Variants in SPATA17 observed in about 807,000 individuals in gnomAD.
The protein encoded by SPATA17 is spermatogenesis-associated protein 17.
Under a neutral mutation model 62.2 loss-of-function variants are expected in SPATA17, and 53 were observed. The observed-to-expected ratio is 0.85, with a 90% CI of 0.68 to 1.07. The LOEUF is 1.07. Among genes scored for constraint, SPATA17 ranks in the 50% least tolerant of loss-of-function variants. SPATA17 has a pLI of 0.00. For missense variants in SPATA17, 466 were observed against 425.5 expected (o/e 1.10, Z -0.84); for synonymous variants, 146 against 146.8 (o/e 0.99, Z 0.04).
intron 5 of SPATA17, among the ~76,000 whole-genome samples, chr1:217,722,413 CT>C (rs879277906): frequency 5.3e-4 from 80 of 151,956 alleles, no homozygotes; most frequent in Admixed American, 5.2e-3. Context: ...TTTTCTGTAA[CT>C]TTTTTGATAA....
At chr1:217,767,677 T>A (rs1673333274) in intron 6 of SPATA17, among the ~76,000 whole-genome samples, 1 of 152,208 alleles carries the variant, frequency 6.6e-6, no homozygotes, top group Admixed American at 6.5e-5. Context: ...CATTCTTCAT[T>A]TCTGCTACAG....
intron 9 of SPATA17, among the ~76,000 whole-genome samples, chr1:217,804,879 C>T (rs1674396788): frequency 6.6e-6 from 1 of 152,054 alleles, no homozygotes; most frequent in Non-Finnish European, 1.5e-5. Context: ...ACCAAAAAGA[C>T]AAAAGATAAT....
intron 1 of SPATA17, among the ~76,000 whole-genome samples, chr1:217,648,459 C>A (rs1428320654): frequency 6.6e-6 from 1 of 152,208 alleles, no homozygotes; most frequent in East Asian, 1.9e-4. Context: ...TTAGAGACAA[C>A]TCATTTAACT....
intron 7 of SPATA17, among the ~76,000 whole-genome samples, chr1:217,778,833 T>C (rs961843148): frequency 6.6e-6 from 1 of 152,160 alleles, no homozygotes; most frequent in South Asian, 2.1e-4. Context: ...TAATGATGTG[T>C]CTTCTTCTAC....
chr1:217,817,985 G>C (rs1014766028), intron 9 of SPATA17, among the ~76,000 whole-genome samples: 6 of 151,826 alleles, frequency 4.0e-5, no homozygotes, highest in African/African-American at 1.5e-4. Flanking sequence ...TCAGTAAAGG[G>C]AATCTCAATT....
chr1:217,729,480 T>A (rs1261491399), intron 5 of SPATA17, among the ~76,000 whole-genome samples: 3 of 152,248 alleles, frequency 2.0e-5, no homozygotes, highest in Non-Finnish European at 4.4e-5. Flanking sequence ...TTTATGTTGA[T>A]GACAGGTTCT....
intron 9 of SPATA17, among the ~76,000 whole-genome samples, chr1:217,839,467 C>T (rs1344301556): frequency 9.9e-5 from 15 of 151,956 alleles, no homozygotes; most frequent in South Asian, 2.1e-4. Flanking sequence ...TGCTTCTGCC[C>T]GGTGCTTGGC....
intron 9 of SPATA17, chr1:217,850,593 G>A (rs1675627751): frequency 6.3e-7 from 1 of 1,596,442 alleles, no homozygotes; most frequent in Non-Finnish European, 8.6e-7. Flanking sequence ...CACTTCAAGG[G>A]TGATGGTCTT....
intron 7 of SPATA17, among the ~76,000 whole-genome samples, chr1:217,776,559 T>C (rs4240917): frequency 0.9 from 136,676 of 151,864 alleles, 61,658 homozygotes; most frequent in African/African-American, 0.92. Flanking sequence ...GTCAGCCAGG[T>C]GAGGCACAGT....
chr1:217,698,714 TTG>T (rs139955351), intron 5 of SPATA17, among the ~76,000 whole-genome samples: 1 of 152,026 alleles, frequency 6.6e-6, no homozygotes, highest in Admixed American at 6.5e-5. Flanking sequence ...CAAATTTACT[TTG>T]TGTGTGTGTG....
At chr1:217,854,755 A>G (rs1558077891) in intron 9 of SPATA17, among the ~76,000 whole-genome samples, 2 of 152,328 alleles carry the variant, frequency 1.3e-5, no homozygotes, top group East Asian at 3.9e-4. Flanking sequence ...TGTCCAGGGC[A>G]TGCGACTTCC....
At chr1:217,768,229 G>A (rs1571792750) in intron 6 of SPATA17, among the ~76,000 whole-genome samples, 2 of 151,994 alleles carry the variant, frequency 1.3e-5, no homozygotes, top group African/African-American at 2.4e-5. Context: ...TGGCGACAGA[G>A]CAAGGCTCCG....
chr1:217,859,289 C>G (rs1675849982), intron 9 of SPATA17, among the ~76,000 whole-genome samples: 1 of 146,848 alleles, frequency 6.8e-6, no homozygotes, highest in Admixed American at 6.8e-5. Context: ...TAAAAATTCT[C>G]CATATATAAT....
intron 1 of SPATA17, among the ~76,000 whole-genome samples, chr1:217,632,733 A>G (rs1171797846): frequency 2.0e-5 from 3 of 152,356 alleles, no homozygotes; most frequent in South Asian, 2.1e-4. Flanking sequence ...GAATTTTTCA[A>G]TAAATCTGTA....
intron 6 of SPATA17, among the ~76,000 whole-genome samples, chr1:217,760,434 T>C (rs921393758): frequency 6.6e-6 from 1 of 152,176 alleles, no homozygotes. Flanking sequence ...TAATAGATAC[T>C]TTAATAATTT....
At chr1:217,767,284 G>T (rs1215517058) in intron 6 of SPATA17, among the ~76,000 whole-genome samples, 1 of 151,958 alleles carries the variant, frequency 6.6e-6, no homozygotes, top group African/African-American at 2.4e-5. Context: ...GTCTTTTCAA[G>T]ATTTTTTCTT....
chr1:217,793,589 A>C (rs1487478477), intron 8 of SPATA17, among the ~76,000 whole-genome samples: 1 of 152,112 alleles, frequency 6.6e-6, no homozygotes, highest in Non-Finnish European at 1.5e-5. Context: ...ATGAATTCCC[A>C]AGTCTCAATC....
At chr1:217,825,402 T>C (rs1392243611) in intron 9 of SPATA17, among the ~76,000 whole-genome samples, 1 of 151,970 alleles carries the variant, frequency 6.6e-6, no homozygotes, top group Non-Finnish European at 1.5e-5. Context: ...GTTTTGTTTT[T>C]ATAAAAACTT....
intron 8 of SPATA17, among the ~76,000 whole-genome samples, chr1:217,797,733 A>G (rs1010965695): frequency 6.6e-5 from 10 of 152,134 alleles, no homozygotes; most frequent in African/African-American, 2.4e-4. Context: ...CCAACTTTTA[A>G]ACGTAGGTGT....
Sources: allele counts gnomAD v4.1 joint callset (sites outside exome capture counted in the v4.1 genomes callset), GRCh38; gene constraint gnomAD v4.1.1; transcripts MANE v1.5; gene names NCBI Gene and HGNC (gene_info 2026-07-23, HGNC 2026-07-21).